The following RTKN2 variants were observed in gnomAD, a reference collection of about 807,000 sequenced individuals.
The protein encoded by RTKN2 is rhotekin 2.
Under a neutral mutation model 71.5 loss-of-function variants are expected in RTKN2, and 69 were observed. The ratio of observed to expected loss-of-function variants is 0.96; its 90% CI spans 0.79 to 1.18. The LOEUF is 1.18. RTKN2 is among the 50% of genes most tolerant of loss of function. The probability of loss-of-function intolerance (pLI) is 0.00; values close to 1 mark genes in which losing one functional copy is unlikely to be tolerated. For synonymous variants in RTKN2, 236 were observed against 236.5 expected, an observed-to-expected ratio of 1.00 and a Z score of 0.02; for missense variants, 724 against 719.7, an observed-to-expected ratio of 1.01 and a Z score of -0.07.
intron 3 of RTKN2, among the ~76,000 whole-genome samples, chr10:62,244,943 T>C (rs1842449592): frequency 6.6e-6 from 1 of 152,178 alleles, no homozygotes; most frequent in South Asian, 2.1e-4. Context: ...GTTCCTTAGG[T>C]GACAGTACCT....
chr10:62,263,579 G>A (rs1383597343), intron 1 of RTKN2, among the ~76,000 whole-genome samples: 2 of 152,164 alleles, frequency 1.3e-5, no homozygotes, highest in Non-Finnish European at 2.9e-5. Flanking sequence ...ATGGCAGTGT[G>A]GTTGATGACA....
chr10:62,195,623 G>T lies in RTKN2; in HGVS notation c.*2285C>A, dbSNP rs1249096966. 1.9e-4 allele frequency: 34 copies of T among 177,574 alleles called. 2 individuals carry two copies. Among genetic ancestry groups the T allele is most frequent in the African/African-American group, 1.6e-3 (32 of 20,554 alleles). The allele number at this position is 177,574 out of a possible 1,614,324, so 11.0% of individuals were successfully genotyped here. On this transcript the variant is annotated 3_prime_UTR_variant, in exon 12 of 12. Transcript: ENST00000373789. Reference sequence around the variant, plus strand: ...AGAGGGAATGAAGGAAGGAAGGAAGGAAGGAAGGAAGGAAGGAAGGAAGGA... The same window carrying T: ...AGAGGGAATGAAGGAAGGAAGGAAGTAAGGAAGGAAGGAAGGAAGGAAGGA...
Position 62,194,594 on chromosome 10 carries a change from T to G in RTKN2, c.*3314A>C. The G allele has an allele frequency of 3.0e-6, 3 of 985,452 alleles. No homozygotes were observed. The highest frequency in any genetic ancestry group is 3.6e-6 in the Non-Finnish European group (3 of 829,934). 61.0% of individuals were successfully genotyped at this position (985,452 alleles called of 1,614,324 possible). On this transcript the variant is annotated 3_prime_UTR_variant, in exon 12 of 12. Coordinates refer to ENST00000373789, the MANE Select transcript of RTKN2 (RefSeq NM_145307.4). Reference sequence around the variant, plus strand: ...AATGCAGTACTCTGTCCATGTAGTATAGTTGTGCCTCATTCGTGGTAACAC... The same window carrying G: ...AATGCAGTACTCTGTCCATGTAGTAGAGTTGTGCCTCATTCGTGGTAACAC...
chr10:62,224,936 G>A (rs180730217), intron 6 of RTKN2, among the ~76,000 whole-genome samples: 31 of 152,276 alleles, frequency 2.0e-4, no homozygotes, highest in African/African-American at 6.7e-4. Flanking sequence ...CCTGGAAGAG[G>A]AGTGGATTTA....
exon 9 of RTKN2, chr10:62,184,307 G>A (rs1487923948): frequency 6.7e-7 from 1 of 1,487,746 alleles, no homozygotes; most frequent in East Asian, 2.5e-5. Context: ...TGGTTCTAAT[G>A]AAGTATTTGA....
intron 2 of RTKN2, among the ~76,000 whole-genome samples, chr10:62,253,485 G>A (rs962787756): frequency 6.6e-6 from 1 of 152,074 alleles, no homozygotes; most frequent in Non-Finnish European, 1.5e-5. Context: ...CATTAACACA[G>A]ATCTTTCGAA....
At chr10:62,247,625 A>G (rs1842503634) in intron 2 of RTKN2, among the ~76,000 whole-genome samples, 1 of 151,980 alleles carries the variant, frequency 6.6e-6, no homozygotes, top group African/African-American at 2.4e-5. Context: ...GTAATGTCAG[A>G]GAAGATTATC....
chr10:62,221,542 C>A (rs1229428620), intron 7 of RTKN2, among the ~76,000 whole-genome samples: 1 of 151,886 alleles, frequency 6.6e-6, no homozygotes, highest in East Asian at 1.9e-4. Context: ...ATGTTTGTAA[C>A]ATAAAAATAA....
chr10:62,193,880 T>C lies in RTKN2; in HGVS notation c.*4028A>G, dbSNP rs1388409076. 7 of 980,416 alleles carry C rather than the reference T, an allele frequency of 7.1e-6. No homozygotes were observed. Among genetic ancestry groups the C allele is most frequent in the Non-Finnish European group, 8.5e-6 (7 of 825,496 alleles). 60.7% of individuals were successfully genotyped at this position (980,416 alleles called of 1,614,324 possible). ...ATGGCTTATCAGAATGTTAGTCTTA[T>C]AATAATTAGCACCAGCTACTTGGTA... On this transcript the variant is annotated 3_prime_UTR_variant, in exon 12 of 12. Transcript: ENST00000373789.
At position 62,268,736 on chromosome 10, in the gene RTKN2, G is replaced by A. The variant is rs1039284755; in HGVS notation, c.-126C>T. ...TACCAAGTCCCAGTCGCAGGGGCCG[G>A]GGGCGCAGGAGGAGCCGGGCCGAAG... On this transcript the variant is annotated 5_prime_UTR_variant, in exon 1 of 12. Transcript: ENST00000373789. 2 of 1,012,042 alleles carry A rather than the reference G, an allele frequency of 2.0e-6. No individual in the cohort carries two copies. Among genetic ancestry groups the A allele is most frequent in the African/African-American group, 3.4e-5 (2 of 59,696 alleles). 62.7% of individuals were successfully genotyped at this position (1,012,042 alleles called of 1,614,324 possible).
In RTKN2 at chr10:62,195,067, A is replaced by T; in HGVS notation, c.*2841T>A. 1 of 984,486 alleles carries T rather than the reference A, an allele frequency of 1.0e-6. No individual in the cohort carries two copies. Among genetic ancestry groups the T allele is most frequent in the South Asian group, 4.7e-5 (1 of 21,264 alleles). The allele number at this position is 984,486 out of a possible 1,614,324, so 61.0% of individuals were successfully genotyped here. A position where few individuals can be genotyped will look rare whatever the true frequency, so the allele number is the denominator to read the frequency against. The stretch of plus-strand genomic sequence containing the variant: ...GCCCTTGCAAGATATTAAAATACAA[A>T]AGTTACCACTTAGTAGCAATTAAAA... On this transcript the variant is annotated 3_prime_UTR_variant, in exon 12 of 12. Coordinates refer to ENST00000373789, the MANE Select transcript of RTKN2 (RefSeq NM_145307.4).
At chr10:62,202,560 T>C (rs569042763) in intron 10 of RTKN2, among the ~76,000 whole-genome samples, 1 of 152,346 alleles carries the variant, frequency 6.6e-6, no homozygotes, top group African/African-American at 2.4e-5. Flanking sequence ...TTTTGAAGTA[T>C]AAATGTAATA....
At chr10:62,263,054 G>A in intron 1 of RTKN2, among the ~76,000 whole-genome samples, 1 of 152,146 alleles carries the variant, frequency 6.6e-6, no homozygotes, top group East Asian at 1.9e-4. Context: ...ATAAACAAAG[G>A]TGAGAAACAT....
At chr10:62,238,276 C>T (rs1185463219) in intron 5 of RTKN2, 1 of 151,934 alleles carries the variant, frequency 6.6e-6, no homozygotes, top group African/African-American at 2.4e-5. Flanking sequence ...TTATTAAAAA[C>T]AATCATCATA....
rs193253852 is a variant in RTKN2, at chr10:62,228,257, C to T, written c.687-4925G>A. Among the ~76,000 whole-genome samples the T allele has an allele frequency of 1.2e-3, 180 of 152,140 alleles. 2 individuals are homozygous for T. Among genetic ancestry groups the T allele is most frequent in the African/African-American group, 4.3e-3 (177 of 41,490 alleles). ...AAGAGCAATGAACAAAGGAGACAAG[C>T]AATGAATAAATGGTTACTGAGGTGG... On this transcript the variant is annotated intron_variant, in intron 6 of 11. Coordinates refer to ENST00000373789, the MANE Select transcript of RTKN2 (RefSeq NM_145307.4).
At chr10:62,184,330 A>G (rs773858396) in exon 9 of RTKN2, 89 of 1,538,062 alleles carry the variant, frequency 5.8e-5, no homozygotes, top group Non-Finnish European at 7.0e-6. Flanking sequence ...AGCTATGTGA[A>G]GAGGAATTTG....
intron 9 of RTKN2, among the ~76,000 whole-genome samples, chr10:62,215,705 C>T (rs1841755907): frequency 6.6e-6 from 1 of 151,720 alleles, no homozygotes; most frequent in African/African-American, 2.4e-5. Context: ...GCAAATGTGG[C>T]AAAATGTTAA....
intron 8 of RTKN2, among the ~76,000 whole-genome samples, chr10:62,186,748 A>ATT (rs34368299): frequency 2.6e-4 from 39 of 150,798 alleles, no homozygotes; most frequent in African/African-American, 7.0e-4. Context: ...TCAGAAAAAC[A>ATT]TTTTTTTTTT....
intron 2 of RTKN2, among the ~76,000 whole-genome samples, chr10:62,258,928 T>G (rs1842722694): frequency 6.6e-6 from 1 of 152,182 alleles, no homozygotes. Flanking sequence ...ACAAAGGCAC[T>G]GTGTATCCTT....
Sources: gnomAD v4.1 joint callset for allele counts (sites outside exome capture counted in the v4.1 genomes callset) on GRCh38, gnomAD v4.1.1 for gene constraint, MANE v1.5 for transcripts, NCBI Gene and HGNC (gene_info 2026-07-23, HGNC 2026-07-21) for gene names.